The following CTNNB1 variants were observed in gnomAD, a reference collection of about 807,000 sequenced individuals.
CTNNB1 encodes the protein catenin beta 1.
Under a neutral mutation model 82.5 loss-of-function variants are expected in CTNNB1, and 6 were observed. The ratio of observed to expected loss-of-function variants is 0.07; its 90% CI spans 0.04 to 0.14. The LOEUF (loss-of-function observed/expected upper bound fraction) is 0.14, where lower values mean the gene tolerates loss of function less well. Ranked by LOEUF, CTNNB1 falls within the 10% of genes least tolerant of loss-of-function variation. The pLI, the probability that CTNNB1 is intolerant of heterozygous loss-of-function variation, is 1.00. For synonymous variants in CTNNB1, 312 were observed against 329.7 expected, an observed-to-expected ratio of 0.95 and a Z score of 0.58; for missense variants, 529 against 980.4, an observed-to-expected ratio of 0.54 and a Z score of 6.15.
At chr3:41,235,887 T>A (rs1313066424) in intron 11 of CTNNB1, 44 bp downstream of exon 11, 1 of 1,609,864 alleles carries the variant, frequency 6.2e-7, no homozygotes, top group Non-Finnish European at 8.5e-7. Flanking sequence ...TCCATAAAAT[T>A]TCCAGATTGT....
At chr3:41,236,558 C>T (rs2078438967) in intron 12 of CTNNB1, 30 bp from the exon 13 acceptor site, 1 of 1,614,040 alleles carries the variant, frequency 6.2e-7, no homozygotes, top group South Asian at 1.1e-5. Context: ...TCAGTTTTTC[C>T]TCAAGGGCCT....
chr3:41,210,739 G>A (rs1162096513), intron 1 of CTNNB1, among the ~76,000 whole-genome samples: 1 of 151,730 alleles, frequency 6.6e-6, no homozygotes, highest in African/African-American at 2.4e-5. Context: ...ACATAAACCT[G>A]TAACAATCAT....
At position 41,233,809 on chromosome 3, in the gene CTNNB1, A is replaced by G. The variant is rs780428505; in HGVS notation, c.1466A>G (p.Tyr489Cys). 5.0e-6 allele frequency: 8 copies of G among 1,613,296 alleles called. No individual in the cohort carries two copies. The East Asian group carries it at 1.1e-4, about 22-fold the overall frequency. The part of the protein sequence containing the change: ...EMAQNAVRLH[Y>C]GLPVVVKLLH... The stretch of plus-strand genomic sequence containing the variant: ...GCCCAGAATGCAGTTCGCCTTCACT[A>G]TGGACTACCAGTTGTGGTTAAGCTC... Residue 489 changes from tyrosine (Y) to cysteine (C), a missense_variant, in exon 9 of 15, where the codon TAT (tyrosine) becomes TGT (cysteine). By Grantham distance (194) the Tyr-to-Cys change is radical. Around this residue, in one of 4 missense-constraint regions of CTNNB1, gnomAD observed 411 missense variants for 776.4 expected, o/e 0.53. Coordinates refer to ENST00000349496, the MANE Select transcript of CTNNB1 (RefSeq NM_001904.4).
At chr3:41,228,398 TATTAGTAGC>T (rs769725268) in intron 7 of CTNNB1, among the ~76,000 whole-genome samples, 4 of 152,250 alleles carry the variant, frequency 2.6e-5, no homozygotes, top group Non-Finnish European at 4.4e-5. Context: ...TTTGACTTTT[TATTAGTAGC>T]CATTCTAACT....
intron 14 of CTNNB1, 81 bp from the exon 15 acceptor site, chr3:41,239,053 G>C: frequency 8.3e-7 from 1 of 1,200,112 alleles, no homozygotes; most frequent in South Asian, 1.2e-5. Flanking sequence ...CCTAACCTCA[G>C]TGTTAACGTC....
At chr3:41,234,062 A>T in intron 9 of CTNNB1, 77 bp from the exon 10 acceptor site, 1 of 1,585,780 alleles carries the variant, frequency 6.3e-7, no homozygotes, top group South Asian at 1.1e-5. Flanking sequence ...ATACCAATAG[A>T]TTTAGTGTGG....
intron 1 of CTNNB1, among the ~76,000 whole-genome samples, chr3:41,223,177 T>C (rs2078091787): frequency 6.6e-6 from 1 of 152,198 alleles, no homozygotes; most frequent in Non-Finnish European, 1.5e-5. Flanking sequence ...TGGGACAGAT[T>C]TTGTAATAAA....
At position 41,225,289 on chromosome 3, in the gene CTNNB1, C is replaced by G; in HGVS notation, c.496-45C>G. 1 of 1,613,408 alleles carries G rather than the reference C, an allele frequency of 6.2e-7. No individual in the cohort carries two copies. Among genetic ancestry groups the G allele is most frequent in the Non-Finnish European group, 8.5e-7 (1 of 1,179,464 alleles). The stretch of plus-strand genomic sequence containing the variant: ...GTAGTTTCAGAATGTCTACCCAATA[C>G]CAGTACTTGAAAACTAACGATGTTT... On this transcript the variant is annotated intron_variant, in intron 4 of 14. Transcript: ENST00000349496. This position sits in a 1 kb window ranked among gnomAD's most constrained non-coding sequence, Gnocchi z 5.3.
At chr3:41,220,969 G>GT (rs2078034852) in intron 1 of CTNNB1, 1 of 152,178 alleles carries the variant, frequency 6.6e-6, no homozygotes, top group South Asian at 2.1e-4. Context: ...CATTTATAGG[G>GT]TTAAAATCGG....
intron 13 of CTNNB1, 43 bp from the exon 14 acceptor site, chr3:41,237,973 A>C (rs2078479283): frequency 6.3e-7 from 1 of 1,576,276 alleles, no homozygotes. Context: ...GAGAATTTTC[A>C]TTTTGCTTTC....
In CTNNB1 at chr3:41,239,921, ATTTTTTTTTTTTTTTTTTT is replaced by A. The variant is rs2078535435; in HGVS notation, c.*580_*598del. The stretch of plus-strand genomic sequence containing the variant: ...ATCAAACCCTAGCCTTGCTTGTTAA[ATTTTTTTTTTTTTTTTTTT>A]AAGAATATCTGTAATGGTACTGACT... On this transcript the variant is annotated 3_prime_UTR_variant, in exon 15 of 15. Coordinates refer to ENST00000349496, the MANE Select transcript of CTNNB1 (RefSeq NM_001904.4). The A allele has an allele frequency of 1.3e-5, 2 of 154,900 alleles. No homozygotes were observed. The highest frequency in any genetic ancestry group is 7.7e-5 in the Admixed American group (1 of 12,926). The allele number at this position is 154,900 out of a possible 1,614,324, so 9.6% of individuals were successfully genotyped here. A position where few individuals can be genotyped will look rare whatever the true frequency, so the allele number is the denominator to read the frequency against.
intron 3 of CTNNB1, 28 bp downstream of exon 3, chr3:41,224,781 C>G (rs993000676): frequency 1.2e-6 from 2 of 1,604,264 alleles, no homozygotes; most frequent in Non-Finnish European, 1.7e-6. Context: ...CATTGCCTTA[C>G]TGAAAGTCAG....
chr3:41,234,803 T>C (rs989531415), intron 10 of CTNNB1: 2 of 167,586 alleles, frequency 1.2e-5, no homozygotes, highest in African/African-American at 2.4e-5. Context: ...GAAGCTTTGA[T>C]ACAAAGTTTG....
intron 1 of CTNNB1, among the ~76,000 whole-genome samples, chr3:41,222,951 G>A (rs2078084052): frequency 6.6e-6 from 1 of 152,102 alleles, no homozygotes; most frequent in Non-Finnish European, 1.5e-5. Context: ...AGAAACTAAG[G>A]CCAGGTGTTG....
intron 1 of CTNNB1, among the ~76,000 whole-genome samples, chr3:41,217,909 C>T (rs1263634197): frequency 1.3e-5 from 2 of 151,976 alleles, no homozygotes; most frequent in African/African-American, 2.4e-5. Flanking sequence ...AATTATGTTA[C>T]GGATGTTCTA....
chr3:41,232,779 A>T (rs11564452), intron 7 of CTNNB1, among the ~76,000 whole-genome samples: 59,905 of 151,752 alleles, frequency 0.39, 12,242 homozygotes, highest in Non-Finnish European at 0.46. Flanking sequence ...TAGCTTCTTT[A>T]GGTCTTTAGT....
intron 2 of CTNNB1, 54 bp from the exon 3 acceptor site, chr3:41,224,472 A>T (rs1415016807): frequency 4.1e-6 from 6 of 1,466,070 alleles, no homozygotes; most frequent in Admixed American, 1.9e-5. Flanking sequence ...CTTTTTTTTT[A>T]AATTAAAGTA....
intron 1 of CTNNB1, among the ~76,000 whole-genome samples, chr3:41,216,015 CTT>C (rs2077909851): frequency 1.3e-5 from 2 of 152,094 alleles, no homozygotes; most frequent in Admixed American, 1.3e-4. Context: ...TTGTCTCTAA[CTT>C]TGGTATGGGG....
intron 1 of CTNNB1, among the ~76,000 whole-genome samples, chr3:41,204,596 G>T (rs1391733662): frequency 6.6e-6 from 1 of 152,200 alleles, no homozygotes; most frequent in Non-Finnish European, 1.5e-5. Flanking sequence ...AGCAGCTCCA[G>T]CCACTGTGTG....
Sources: gnomAD v4.1 joint callset for allele counts (sites outside exome capture counted in the v4.1 genomes callset) on GRCh38, gnomAD v4.1.1 for gene constraint, gnomAD v4.1.1 regional missense constraint, Gnocchi (gnomAD v3.1) non-coding constraint, MANE v1.5 for transcripts, NCBI Gene and HGNC (gene_info 2026-07-23, HGNC 2026-07-21) for gene names.